TRAPPC12: variants seen among roughly 807,000 people sequenced by gnomAD.
The protein encoded by TRAPPC12 is trafficking protein particle complex subunit 12.
TRAPPC12 carries 61 observed loss-of-function variants against 69.2 expected under a neutral mutation model. That is an observed-to-expected ratio of 0.88 (90% confidence interval 0.72 to 1.09). TRAPPC12 has a LOEUF of 1.09. TRAPPC12 is among the 50% of genes least tolerant of loss of function. TRAPPC12 has a pLI of 0.00. For missense variants in TRAPPC12, 1,101 were observed against 1,016.4 expected (o/e 1.08, Z -1.13); for synonymous variants, 469 against 438.9 (o/e 1.07, Z -0.86).
chr2:3,443,971 TC>T, intron 6 of TRAPPC12, 80 bp downstream of exon 6: 2 of 1,035,240 alleles, frequency 1.9e-6, no homozygotes, highest in Non-Finnish European at 2.9e-6. Flanking sequence ...CCCGTGCTGT[TC>T]CCTGCCCGTC....
intron 6 of TRAPPC12, chr2:3,454,725 C>A (rs1477091870): frequency 6.6e-6 from 1 of 152,474 alleles, no homozygotes. Flanking sequence ...GACCTCATTC[C>A]CCCTTCTCCC....
intron 2 of TRAPPC12, 68 bp downstream of exon 2, chr2:3,388,738 C>A (rs1572081661): frequency 7.1e-7 from 1 of 1,399,704 alleles, no homozygotes; most frequent in East Asian, 2.6e-5. Flanking sequence ...CGCACAGTGC[C>A]CCTTTAGGGA....
At chr2:3,431,092 G>A (rs1663408677) in intron 5 of TRAPPC12, among the ~76,000 whole-genome samples, 1 of 152,202 alleles carries the variant, frequency 6.6e-6, no homozygotes, top group Admixed American at 6.5e-5. Flanking sequence ...GAGCTTCCAA[G>A]AGCTCTGAGG....
At chr2:3,472,906 T>A (rs4404310) in intron 9 of TRAPPC12, among the ~76,000 whole-genome samples, 88,683 of 151,956 alleles carry the variant, frequency 0.58, 27,810 homozygotes, top group African/African-American at 0.83. Context: ...CAGAGGAAGC[T>A]TCAAGAAGGG....
intron 8 of TRAPPC12, among the ~76,000 whole-genome samples, chr2:3,464,230 G>A (rs1172950068): frequency 6.6e-6 from 1 of 152,204 alleles, no homozygotes; most frequent in African/African-American, 2.4e-5. Context: ...CAGCTAGACA[G>A]CAGAGACAGG....
chr2:3,417,263 G>A (rs950249024), intron 3 of TRAPPC12, among the ~76,000 whole-genome samples: 1 of 152,226 alleles, frequency 6.6e-6, no homozygotes, highest in Admixed American at 6.5e-5. Context: ...AGATTTCCAC[G>A]TTAGTGTTTT....
chr2:3,433,781 A>C (rs925570401), intron 5 of TRAPPC12, among the ~76,000 whole-genome samples: 1 of 152,254 alleles, frequency 6.6e-6, no homozygotes, highest in Non-Finnish European at 1.5e-5. Flanking sequence ...TACAGTATTT[A>C]TACCAACCTA....
chr2:3,422,827 G>A (rs891468462), intron 4 of TRAPPC12, among the ~76,000 whole-genome samples: 10 of 152,186 alleles, frequency 6.6e-5, no homozygotes, highest in Non-Finnish European at 1.0e-4. Flanking sequence ...CCCACAGTTC[G>A]AGCTCTCATT....
In TRAPPC12 at chr2:3,443,771, G is replaced by A; in HGVS notation, c.1418-8G>A. ...AAACAAACTCACTCAGCACTGATTGGATTCCAGGCTCCATGGTCCCCTTCT... is the reference window on the plus strand; with the variant it reads ...AAACAAACTCACTCAGCACTGATTGAATTCCAGGCTCCATGGTCCCCTTCT... On this transcript the variant is annotated splice_polypyrimidine_tract_variant and splice_region_variant and intron_variant, in intron 5 of 11. Coordinates refer to ENST00000324266, the MANE Select transcript of TRAPPC12 (RefSeq NM_016030.6). 1 of 1,613,274 alleles carries A rather than the reference G, an allele frequency of 6.2e-7. No individual in the cohort carries two copies. Among genetic ancestry groups the A allele is most frequent in the South Asian group, 1.1e-5 (1 of 91,038 alleles).
At position 3,424,518 on chromosome 2, in the gene TRAPPC12, T is replaced by A; in HGVS notation, c.1279-7T>A. ...AACCTATTGTTTCCATTGTATTTTG[T>A]TTTTAGCTCTGGTTTGTCAGGCTGG... On this transcript the variant is annotated splice_region_variant and splice_polypyrimidine_tract_variant and intron_variant, in intron 4 of 11. Transcript: ENST00000324266. The A allele has an allele frequency of 6.2e-7, 1 of 1,611,986 alleles. No homozygotes were observed. The highest frequency in any genetic ancestry group is 8.5e-7 in the Non-Finnish European group (1 of 1,179,474).
intron 1 of TRAPPC12, among the ~76,000 whole-genome samples, chr2:3,382,130 C>CTTTTTTTTTTT: frequency 1.1e-5 from 1 of 93,594 alleles, no homozygotes; most frequent in Non-Finnish European, 2.1e-5. Flanking sequence ...TTTATTTCCA[C>CTTTTTTTTTTT]TTTTTTTTTT....
At chr2:3,468,029 A>G (rs1665899151) in intron 9 of TRAPPC12, 1 of 152,204 alleles carries the variant, frequency 6.6e-6, no homozygotes, top group South Asian at 2.1e-4. Context: ...GTGAGCCCAC[A>G]CTTAAAGCTC....
At chr2:3,458,343 A>C (rs1041820481) in intron 7 of TRAPPC12, 2 of 985,380 alleles carry the variant, frequency 2.0e-6, no homozygotes, top group Non-Finnish European at 2.4e-6. Flanking sequence ...TCACTCCCTC[A>C]CTCCTTGTGG....
intron 7 of TRAPPC12, 183 bp downstream of exon 7, chr2:3,457,876 G>A (rs1201858250): frequency 7.0e-7 from 1 of 1,435,694 alleles, no homozygotes; most frequent in East Asian, 2.5e-5. Context: ...GTGATGCTGT[G>A]GGTGCAACGT....
intron 10 of TRAPPC12, 178 bp from the exon 11 acceptor site, chr2:3,478,668 T>A: frequency 1.7e-6 from 1 of 578,442 alleles, no homozygotes; most frequent in Non-Finnish European, 3.1e-6. Flanking sequence ...AGAGTGGCTT[T>A]AATGTGCGAG....
intron 2 of TRAPPC12, among the ~76,000 whole-genome samples, chr2:3,396,787 CGT>C (rs1401319732): frequency 6.6e-6 from 1 of 151,938 alleles, no homozygotes; most frequent in African/African-American, 2.4e-5. Flanking sequence ...GGTTCTTTTT[CGT>C]ATCATTTTTC....
chr2:3,409,524 G>T (rs1661922012), intron 3 of TRAPPC12, among the ~76,000 whole-genome samples: 1 of 152,046 alleles, frequency 6.6e-6, no homozygotes, highest in Non-Finnish European at 1.5e-5. Flanking sequence ...TGAGGTAGGA[G>T]AATCAGTTGA....
intron 5 of TRAPPC12, among the ~76,000 whole-genome samples, chr2:3,435,540 G>T (rs1441057475): frequency 1.3e-5 from 2 of 152,168 alleles, no homozygotes; most frequent in East Asian, 3.8e-4. Flanking sequence ...CAGTAGAAAT[G>T]GGAGTGCCAT....
intron 1 of TRAPPC12, among the ~76,000 whole-genome samples, chr2:3,386,753 C>G (rs1660511769): frequency 1.3e-5 from 2 of 152,028 alleles, no homozygotes; most frequent in South Asian, 2.1e-4. Flanking sequence ...GAGACTATTA[C>G]AAATTGAAGA....
Sources: gnomAD v4.1 joint callset for allele counts (sites outside exome capture counted in the v4.1 genomes callset) on GRCh38, gnomAD v4.1.1 for gene constraint, MANE v1.5 for transcripts, NCBI Gene and HGNC (gene_info 2026-07-23, HGNC 2026-07-21) for gene names.